Variants in TSPAN11 observed in about 807,000 individuals in gnomAD.
The protein encoded by TSPAN11 is tetraspanin 11.
Under a neutral mutation model 32.9 loss-of-function variants are expected in TSPAN11, and 29 were observed. The ratio of observed to expected loss-of-function variants is 0.88; its 90% CI spans 0.66 to 1.20. The LOEUF (loss-of-function observed/expected upper bound fraction) is 1.20, where lower values mean the gene tolerates loss of function less well. Among genes scored for constraint, TSPAN11 ranks in the 50% most tolerant of loss-of-function variants. The pLI, the probability that TSPAN11 is intolerant of heterozygous loss-of-function variation, is 0.00. For synonymous variants in TSPAN11, 140 were observed against 141.3 expected (o/e 0.99, Z 0.07); for missense variants, 283 against 329.1 (o/e 0.86, Z 1.08).
chr12:30,950,130 A>G (rs946669682), intron 1 of TSPAN11, among the ~76,000 whole-genome samples: 10 of 150,740 alleles, frequency 6.6e-5, no homozygotes, highest in African/African-American at 2.0e-4. Context: ...GGACTTAAGC[A>G]TCACCATCCT....
At chr12:30,946,136 C>T (rs1044582035) in intron 1 of TSPAN11, among the ~76,000 whole-genome samples, 4 of 152,082 alleles carry the variant, frequency 2.6e-5, no homozygotes, top group Non-Finnish European at 4.4e-5. Flanking sequence ...AGTGTGGTTC[C>T]GAGACAAGCA....
chr12:31,005,802 C>T, the TSPAN11 span: 2 of 196,188 alleles, frequency 1.0e-5, no homozygotes, highest in Non-Finnish European at 2.2e-5. Context: ...CTTACCAGTC[C>T]AGTGGATGTG....
chr12:30,937,478 C>A (rs1305703048), intron 1 of TSPAN11, among the ~76,000 whole-genome samples: 17 of 152,136 alleles, frequency 1.1e-4, no homozygotes, highest in Admixed American at 1.1e-3. Flanking sequence ...TACAAAGACT[C>A]TGACCCCCAG....
At position 30,949,297 on chromosome 12, in the gene TSPAN11, C is replaced by G. The variant is rs190341634; in HGVS notation, c.-11-4684C>G. Among the ~76,000 whole-genome samples, 52 of 152,298 alleles carry G rather than the reference C, an allele frequency of 3.4e-4. 1 individual carries two copies. In the Middle Eastern group the frequency reaches 0.01, roughly 30 times the overall value. On this transcript the variant is annotated intron_variant, in intron 1 of 7. Coordinates refer to ENST00000546076, the MANE Select transcript of TSPAN11 (RefSeq NM_001370302.1). ...GGTATCTTTTCAGCAACATCCCACT[C>G]TACTGGTACTAATTTACTATATTAG...
At position 30,975,007 on chromosome 12, in the gene TSPAN11, GGTA is replaced by G. The variant is rs1565800524; in HGVS notation, c.277-3552_277-3550del. Among the ~76,000 whole-genome samples the G allele has an allele frequency of 6.6e-6, 1 of 152,248 alleles. No homozygotes were observed. The highest frequency in any genetic ancestry group is 1.5e-5 in the Non-Finnish European group (1 of 68,034). On this transcript the variant is annotated intron_variant, in intron 3 of 7. Transcript: ENST00000546076. The surrounding 1 kb of genome is among the most constrained non-coding windows in gnomAD (Gnocchi z 4.5). ...GAGCCGAGCTGGGTGTGGAAGGACA[GGTA>G]GGCACCAGCATTCCAGGCAGGGGGA...
At chr12:30,959,317 C>A (rs1938562877) in intron 2 of TSPAN11, among the ~76,000 whole-genome samples, 1 of 152,086 alleles carries the variant, frequency 6.6e-6, no homozygotes, top group African/African-American at 2.4e-5. Context: ...AGGTGCCACA[C>A]TCAAAATCTC....
In TSPAN11 at chr12:30,957,859, CCT is replaced by C. The variant is rs1368321193; in HGVS notation, c.84+3785_84+3786del. The stretch of plus-strand genomic sequence containing the variant: ...TCCCTCCTTCCTTCCTTCCTTCCTT[CCT>C]TCCCTCCCTCCCTCCCTCCTTCCTT... On this transcript the variant is annotated intron_variant, in intron 2 of 7. Transcript: ENST00000546076. Among the ~76,000 whole-genome samples, 148 of 89,952 alleles carry C rather than the reference CCT, an allele frequency of 1.6e-3. 24 individuals are homozygous for C. Among genetic ancestry groups the C allele is most frequent in the African/African-American group, 4.8e-3 (128 of 26,570 alleles). 59.0% of individuals were successfully genotyped at this position (89,952 alleles called of 152,430 possible).
At chr12:30,949,187 T>C (rs1443858509) in intron 1 of TSPAN11, among the ~76,000 whole-genome samples, 1 of 152,204 alleles carries the variant, frequency 6.6e-6, no homozygotes, top group African/African-American at 2.4e-5. Context: ...TTCCAAACTT[T>C]CCCACATTTT....
chr12:30,957,302 C>A (rs146080485), intron 2 of TSPAN11, among the ~76,000 whole-genome samples: 1 of 144,556 alleles, frequency 6.9e-6, no homozygotes, highest in Non-Finnish European at 1.5e-5. Context: ...GGGTCACAGT[C>A]GAGGGGGATA....
chr12:30,943,356 T>G (rs1385872478), intron 1 of TSPAN11, among the ~76,000 whole-genome samples: 2 of 152,232 alleles, frequency 1.3e-5, no homozygotes, highest in Non-Finnish European at 2.9e-5. Flanking sequence ...GGGTATCCAC[T>G]TACTGTTCTG....
the TSPAN11 span, among the ~76,000 whole-genome samples, chr12:31,008,477 AGCAGG>A: frequency 2.0e-5 from 3 of 152,216 alleles, no homozygotes; most frequent in Non-Finnish European, 2.9e-5. Context: ...ACCAGGCTGA[AGCAGG>A]GCAGCCATGA....
downstream of TSPAN11, among the ~76,000 whole-genome samples, chr12:30,997,756 G>C (rs1238564343): frequency 6.6e-6 from 1 of 152,202 alleles, no homozygotes; most frequent in East Asian, 1.9e-4. Flanking sequence ...GGCTCAGGGG[G>C]ATCCCCAGAC....
chr12:30,999,305 C>T (rs901191360), downstream of TSPAN11: 12 of 150,476 alleles, frequency 8.0e-5, no homozygotes, highest in African/African-American at 2.5e-4. Flanking sequence ...GAGCAAGACC[C>T]TGTCAACCAA....
chr12:30,997,247 T>G (rs895292125), downstream of TSPAN11: 8 of 152,232 alleles, frequency 5.3e-5, no homozygotes, highest in Admixed American at 5.2e-4. Flanking sequence ...TAAAAGGAAG[T>G]ACATGTTTTT....
downstream of TSPAN11, among the ~76,000 whole-genome samples, chr12:31,000,099 C>T (rs1265749996): frequency 6.6e-6 from 1 of 152,222 alleles, no homozygotes; most frequent in Non-Finnish European, 1.5e-5. Context: ...AATCCATAGC[C>T]TCTCAATTGA....
At chr12:30,969,563 T>C (rs1369531696) in intron 3 of TSPAN11, among the ~76,000 whole-genome samples, 1 of 152,080 alleles carries the variant, frequency 6.6e-6, no homozygotes, top group Non-Finnish European at 1.5e-5. Flanking sequence ...CTCAAGAGAC[T>C]CATAGGGTTT....
intron 3 of TSPAN11, among the ~76,000 whole-genome samples, chr12:30,969,025 C>T (rs1479446960): frequency 6.6e-6 from 1 of 152,188 alleles, no homozygotes; most frequent in Non-Finnish European, 1.5e-5. Context: ...TCCTGGGAAG[C>T]AAGTCACCAC....
chr12:30,989,493 A>G lies in TSPAN11; in HGVS notation c.703-2363A>G, dbSNP rs892644837. 3.3e-5 allele frequency among the ~76,000 whole-genome samples: 5 copies of G among 152,190 alleles called. No homozygotes were observed. The East Asian group carries it at 7.7e-4, about 23-fold the overall frequency. ...TGGTTCTTGTTATTCTAGTTTTTAA[A>G]GAATCTTGCCAAGGAAGACCCTAGA... On this transcript the variant is annotated intron_variant, in intron 7 of 7. Coordinates refer to ENST00000546076, the MANE Select transcript of TSPAN11 (RefSeq NM_001370302.1).
At chr12:30,982,333 A>G (rs1445856967) in intron 5 of TSPAN11, among the ~76,000 whole-genome samples, 199 bp from the exon 6 acceptor site, 2 of 152,250 alleles carry the variant, frequency 1.3e-5, no homozygotes, top group East Asian at 3.8e-4. Flanking sequence ...GCCATTCAGC[A>G]ATGAGTCTGA....
Sources: gnomAD v4.1 joint callset for allele counts (sites outside exome capture counted in the v4.1 genomes callset) on GRCh38, gnomAD v4.1.1 for gene constraint, Gnocchi (gnomAD v3.1) non-coding constraint, MANE v1.5 for transcripts, NCBI Gene and HGNC (gene_info 2026-07-23, HGNC 2026-07-21) for gene names.